UGT1A10: variants seen among roughly 807,000 people sequenced by gnomAD.
UGT1A10 encodes the protein UDP-glucuronosyltransferase 1A10.
Under a neutral mutation model 45.8 loss-of-function variants are expected in UGT1A10, and 49 were observed. The ratio of observed to expected loss-of-function variants is 1.07; its 90% CI spans 0.85 to 1.36. The LOEUF is 1.36. Ranked by LOEUF, UGT1A10 falls within the 40% of genes most tolerant of loss-of-function variation. The probability of loss-of-function intolerance (pLI) is 0.00; values close to 1 mark genes in which losing one functional copy is unlikely to be tolerated. For synonymous variants in UGT1A10, 284 were observed against 249.7 expected (o/e 1.14, Z -1.29); for missense variants, 745 against 668.6 (o/e 1.11, Z -1.26).
At chr2:233,678,902 T>C (rs1422615251) in intron 1 of UGT1A10, among the ~76,000 whole-genome samples, 2 of 152,192 alleles carry the variant, frequency 1.3e-5, no homozygotes, top group African/African-American at 4.8e-5. Flanking sequence ...CTGTCATAAA[T>C]CCTGTGAAGT....
At chr2:233,713,239 C>T (rs2076295838) in intron 1 of UGT1A10, 2 of 1,614,144 alleles carry the variant, frequency 1.2e-6, no homozygotes, top group Admixed American at 1.7e-5. Context: ...TATGCCATTT[C>T]ATGGACCCAG....
chr2:233,675,475 T>A (rs924736975), intron 1 of UGT1A10, among the ~76,000 whole-genome samples: 1 of 152,150 alleles, frequency 6.6e-6, no homozygotes, highest in African/African-American at 2.4e-5. Flanking sequence ...CCATGGCAGG[T>A]GCGGCTCTGG....
At chr2:233,671,479 T>C (rs531356885) in intron 1 of UGT1A10, among the ~76,000 whole-genome samples, 2 of 152,322 alleles carry the variant, frequency 1.3e-5, no homozygotes, top group East Asian at 3.9e-4. Context: ...AGGGCCTTGT[T>C]TTCTTTGCTT....
intron 1 of UGT1A10, among the ~76,000 whole-genome samples, chr2:233,667,545 A>G (rs1199887659): frequency 6.6e-6 from 1 of 152,220 alleles, no homozygotes; most frequent in African/African-American, 2.4e-5. Context: ...ATCTCATTAA[A>G]CTAAAGAGCT....
intron 1 of UGT1A10, chr2:233,747,259 G>A: frequency 6.2e-7 from 1 of 1,600,500 alleles, no homozygotes; most frequent in South Asian, 1.1e-5. Context: ...GGCCACAGGA[G>A]TGCTACTCCT....
At position 233,636,963 on chromosome 2, in the gene UGT1A10, G is replaced by T. The variant is rs766629881; in HGVS notation, c.441G>T (p.Leu147=). 7 of 1,614,010 alleles carry T rather than the reference G, an allele frequency of 4.3e-6. No homozygotes were observed. In the Admixed American group the frequency reaches 6.7e-5, roughly 15 times the overall value. The change falls in exon 1 of 5, where the codon CTG becomes CTT. Residue 147 remains leucine, a synonymous_variant. Transcript: ENST00000344644. ...LKESSFDAVF[L]DPFDTCGLIV... is the part of the protein sequence containing the mutation. Reference sequence around the variant, plus strand: ...AGAGTTCTTTTGATGCAGTGTTTCTGGATCCTTTTGATACCTGTGGCTTAA... The same window carrying T: ...AGAGTTCTTTTGATGCAGTGTTTCTTGATCCTTTTGATACCTGTGGCTTAA...
At chr2:233,640,824 C>G (rs1043793766) in intron 1 of UGT1A10, among the ~76,000 whole-genome samples, 1 of 152,030 alleles carries the variant, frequency 6.6e-6, no homozygotes, top group African/African-American at 2.4e-5. Flanking sequence ...ACTCACATGC[C>G]AAAGATTTGT....
chr2:233,712,709 G>T (rs1274471996), intron 1 of UGT1A10, among the ~76,000 whole-genome samples: 1 of 152,054 alleles, frequency 6.6e-6, no homozygotes, highest in Non-Finnish European at 1.5e-5. Flanking sequence ...CTTGTGTTGG[G>T]AATTGAATGA....
chr2:233,729,571 G>GT (rs780418650), intron 1 of UGT1A10: 6 of 1,613,982 alleles, frequency 3.7e-6, no homozygotes, highest in Non-Finnish European at 4.2e-6. Flanking sequence ...CTTTGATGTG[G>GT]TTTTAACAGA....
At chr2:233,684,957 G>A (rs1028943175) in intron 1 of UGT1A10, among the ~76,000 whole-genome samples, 1 of 79,316 alleles carries the variant, frequency 1.3e-5, no homozygotes, top group African/African-American at 3.6e-5. Flanking sequence ...TCTGTCTGAT[G>A]AAAAGAAAGC....
chr2:233,701,317 C>A lies in UGT1A10; in HGVS notation c.855+63940C>A, dbSNP rs28899174. 9.8e-3 allele frequency among the ~76,000 whole-genome samples: 1,493 copies of A among 152,208 alleles called. 22 individuals are homozygous for A. The highest frequency in any genetic ancestry group is 0.034 in the African/African-American group (1,425 of 41,526). On this transcript the variant is annotated intron_variant, in intron 1 of 4. Coordinates refer to ENST00000344644, the MANE Select transcript of UGT1A10 (RefSeq NM_019075.4). ...CACACTGTCTTCCACAATGGTTGAA[C>A]TAGTTTACAGTCCCACCAACAGTGT... is the stretch of plus-strand genomic sequence containing the variant.
Position 233,695,130 on chromosome 2 carries a change from C to CTTTCTTTCTT in UGT1A10, c.855+57756_855+57757insCTTTCTTTTT, listed in dbSNP as rs1364557158. ...GCCCATTAACCAACCCTTTTCTTTTCTTTTTTTTTTTTTTGAGACAGAGTC... is the reference window on the plus strand; with the variant it reads ...GCCCATTAACCAACCCTTTTCTTTTCTTTCTTTCTTTTTTTTTTTTTTTTGAGACAGAGTC... On this transcript the variant is annotated intron_variant, in intron 1 of 4. Transcript: ENST00000344644. Among the ~76,000 whole-genome samples the CTTTCTTTCTT allele has an allele frequency of 1.3e-4, 18 of 138,838 alleles. 1 individual carries two copies. Among genetic ancestry groups the CTTTCTTTCTT allele is most frequent in the African/African-American group, 4.9e-4 (18 of 36,850 alleles). 91.1% of individuals were successfully genotyped at this position (138,838 alleles called of 152,430 possible). A position where few individuals can be genotyped will look rare whatever the true frequency, so the allele number is the denominator to read the frequency against.
At chr2:233,649,141 T>C in intron 1 of UGT1A10, 1 of 640,358 alleles carries the variant, frequency 1.6e-6, no homozygotes, top group Non-Finnish European at 2.2e-6. Context: ...ATTTCTTTTC[T>C]GTGTAAAAAA....
chr2:233,718,525 G>A (rs1278661591), intron 1 of UGT1A10, among the ~76,000 whole-genome samples: 2 of 152,236 alleles, frequency 1.3e-5, no homozygotes, highest in East Asian at 3.8e-4. Flanking sequence ...GGTGTCCACA[G>A]CCTTGTGTTG....
intron 1 of UGT1A10, among the ~76,000 whole-genome samples, chr2:233,673,975 G>C (rs948361340): frequency 2.0e-5 from 3 of 152,018 alleles, no homozygotes; most frequent in Non-Finnish European, 4.4e-5. Context: ...TTTTAAATAG[G>C]GATTCAATCA....
At chr2:233,689,785 A>T (rs1001537463) in intron 1 of UGT1A10, 1 of 410,614 alleles carries the variant, frequency 2.4e-6, no homozygotes, top group Non-Finnish European at 4.8e-6. Flanking sequence ...ATATGTTATG[A>T]TGTGATCTGT....
intron 1 of UGT1A10, chr2:233,690,760 T>TACACAC: frequency 1.1e-6 from 1 of 905,432 alleles, no homozygotes; most frequent in Non-Finnish European, 1.3e-6. Context: ...AGTGCAGACA[T>TACACAC]ACACACACAC....
rs2074210064 is a variant in UGT1A10 at position 233,672,087 on chromosome 2, G to A, written c.855+34710G>A. The A allele has an allele frequency of 2.5e-6, 4 of 1,614,140 alleles. No homozygotes were observed. The East Asian group carries it at 8.9e-5, about 36-fold the overall frequency. On this transcript the variant is annotated intron_variant, in intron 1 of 4. Coordinates refer to ENST00000344644, the MANE Select transcript of UGT1A10 (RefSeq NM_019075.4). ...CGGTGGTGGAGAAACTCATTCTCAGGGGGCATGAGGTGGTTGTAGTCATGC... is the reference window on the plus strand; with the variant it reads ...CGGTGGTGGAGAAACTCATTCTCAGAGGGCATGAGGTGGTTGTAGTCATGC...
chr2:233,758,249 A>C (rs1008368022), intron 1 of UGT1A10, among the ~76,000 whole-genome samples: 1 of 152,236 alleles, frequency 6.6e-6, no homozygotes, highest in African/African-American at 2.4e-5. Context: ...CCCACTATTC[A>C]GATTAGTAAG....
Sources: allele counts gnomAD v4.1 joint callset (sites outside exome capture counted in the v4.1 genomes callset), GRCh38; gene constraint gnomAD v4.1.1; transcripts MANE v1.5; gene names NCBI Gene and HGNC (gene_info 2026-07-23, HGNC 2026-07-21).